KDM7A: variants seen among roughly 807,000 people sequenced by gnomAD.
KDM7A encodes lysine-specific demethylase 7A.
A neutral mutation model predicts 114.8 loss-of-function variants in KDM7A; 28 were observed. That is an observed-to-expected ratio of 0.24 (90% CI 0.18 to 0.33). The LOEUF is 0.33. Ranked by LOEUF, KDM7A falls within the 10% of genes least tolerant of loss-of-function variation. The pLI, the probability that KDM7A is intolerant of heterozygous loss-of-function variation, is 1.00. For missense variants in KDM7A, 942 were observed against 1,142.5 expected (o/e 0.82, Z 2.53); for synonymous variants, 423 against 397.8 (o/e 1.06, Z -0.75).
At chr7:140,146,556 C>T (rs1029818500) in intron 1 of KDM7A, among the ~76,000 whole-genome samples, 5 of 152,342 alleles carry the variant, frequency 3.3e-5, no homozygotes, top group Non-Finnish European at 5.9e-5. Flanking sequence ...CTTCCACTCA[C>T]TTCTCTTGTA....
intron 11 of KDM7A, among the ~76,000 whole-genome samples, chr7:140,108,052 A>C (rs1818368679): frequency 6.6e-6 from 1 of 151,954 alleles, no homozygotes. Flanking sequence ...CCTTTCTTCC[A>C]CTTGATCAAA....
intron 6 of KDM7A, among the ~76,000 whole-genome samples, 155 bp downstream of exon 6, chr7:140,126,482 T>A (rs1818705169): frequency 6.7e-6 from 1 of 149,824 alleles, no homozygotes; most frequent in African/African-American, 2.5e-5. Flanking sequence ...AATCGTAACG[T>A]TTAAAGGCAA....
intron 2 of KDM7A, among the ~76,000 whole-genome samples, 163 bp downstream of exon 2, chr7:140,138,942 C>T (rs1818911371): frequency 6.6e-6 from 1 of 152,102 alleles, no homozygotes; most frequent in Non-Finnish European, 1.5e-5. Flanking sequence ...CTTAATGAAA[C>T]AAAAACTACA....
In KDM7A at chr7:140,127,484, G is replaced by C; in HGVS notation, c.659C>G (p.Pro220Arg). ...YVKYFMNPNR[P>R]KVLNVISLEF... ...AAGGCTGATCACATTTAACACTTTT[G>C]GTCTGTTAGGATTCATGAAGTATTT... is the stretch of plus-strand genomic sequence containing the variant. The change falls in exon 5 of 20, where the codon CCA (proline) becomes CGA (arginine). Residue 220 changes from proline to arginine, a missense_variant. By Grantham distance (103) the Pro-to-Arg change is moderately radical. This residue lies in a region of KDM7A where 318 missense variants were observed against 453.1 expected (regional missense o/e 0.70). Coordinates refer to ENST00000397560, the MANE Select transcript of KDM7A (RefSeq NM_030647.2). 1.9e-6 allele frequency: 3 copies of C among 1,613,376 alleles called. No individual in the cohort carries two copies. The highest frequency in any genetic ancestry group is 1.7e-6 in the Non-Finnish European group (2 of 1,179,520).
chr7:140,126,853 C>G (rs373615645), intron 5 of KDM7A, 30 bp from the exon 6 acceptor site: 1 of 1,481,430 alleles, frequency 6.8e-7, no homozygotes, highest in South Asian at 1.2e-5. Flanking sequence ...CACACACACC[C>G]ACATCATGCA....
Position 140,097,548 on chromosome 7 carries a change from T to G in KDM7A, c.2013A>C (p.Ala671=). The G allele has an allele frequency of 6.5e-7, 1 of 1,548,716 alleles. No individual in the cohort carries two copies. Among genetic ancestry groups the G allele is most frequent in the African/African-American group, 1.4e-5 (1 of 73,730 alleles). The change falls in exon 15 of 20, where the codon GCA becomes GCC. Residue 671 remains alanine, a synonymous_variant. Coordinates refer to ENST00000397560, the MANE Select transcript of KDM7A (RefSeq NM_030647.2). ...ESEDSGPECT[A]LKSIFTTEES... ...AGCCATGGGGTCTCAGGCGTACCAG[T>G]GCAGTGCACTCGGGTCCGGAGTCTT...
intron 2 of KDM7A, 129 bp from the exon 3 acceptor site, chr7:140,133,785 G>C (rs1280077781): frequency 2.0e-6 from 1 of 503,562 alleles, no homozygotes; most frequent in Non-Finnish European, 3.5e-6. Flanking sequence ...AGTTTTTAAT[G>C]CATTTCCAGG....
At chr7:140,149,397 G>A (rs1433422914) in intron 1 of KDM7A, among the ~76,000 whole-genome samples, 4 of 152,172 alleles carry the variant, frequency 2.6e-5, no homozygotes, top group Non-Finnish European at 5.9e-5. Context: ...TGCAAATGGT[G>A]AATGCATCCT....
intron 1 of KDM7A, among the ~76,000 whole-genome samples, chr7:140,155,762 A>C (rs1184899153): frequency 6.6e-6 from 1 of 152,228 alleles, no homozygotes; most frequent in Admixed American, 6.5e-5. Flanking sequence ...CATGGCACAG[A>C]AGATAACTAA....
At chr7:140,094,160 A>G (rs751177459) in intron 17 of KDM7A, 22 bp from the exon 18 acceptor site, 157 of 1,397,860 alleles carry the variant, frequency 1.1e-4, no homozygotes, top group Non-Finnish European at 1.5e-4. Context: ...TTTTAGTTTA[A>G]TTAACTTTGC....
At chr7:140,153,007 G>A (rs1057008386) in intron 1 of KDM7A, among the ~76,000 whole-genome samples, 2 of 151,806 alleles carry the variant, frequency 1.3e-5, no homozygotes, top group East Asian at 2.0e-4. Flanking sequence ...ATACAGGCAC[G>A]CGCCACCACA....
intron 1 of KDM7A, among the ~76,000 whole-genome samples, chr7:140,173,634 C>T (rs956178917): frequency 7.2e-5 from 11 of 151,924 alleles, no homozygotes; most frequent in African/African-American, 2.4e-4. Context: ...CCTACTCCTC[C>T]TTGCTCCTCT....
chr7:140,148,394 GTTTTGTT>G (rs1465032430), intron 1 of KDM7A, among the ~76,000 whole-genome samples: 10 of 140,094 alleles, frequency 7.1e-5, no homozygotes, highest in Non-Finnish European at 1.6e-5. Context: ...GTTTTGTTTT[GTTTTGTT>G]TTTTGTTTTT....
chr7:140,100,671 T>TATATAC (rs1818188468), intron 12 of KDM7A, among the ~76,000 whole-genome samples: 1 of 40,300 alleles, frequency 2.5e-5, no homozygotes, highest in Non-Finnish European at 4.7e-5. Flanking sequence ...TATATATATA[T>TATATAC]ATATATATAC....
chr7:140,162,666 G>T (rs1264289671), intron 1 of KDM7A, among the ~76,000 whole-genome samples: 1 of 152,118 alleles, frequency 6.6e-6, no homozygotes, highest in East Asian at 1.9e-4. Context: ...AACAGAACAT[G>T]AATTTTAAAC....
At position 140,139,156 on chromosome 7, in the gene KDM7A, T is replaced by C. The variant is rs765426103; in HGVS notation, c.229A>G (p.Ile77Val). The change falls in exon 2 of 20, where the codon ATT becomes GTT. Residue 77 changes from isoleucine to valine, a missense_variant. Coordinates refer to ENST00000397560, the MANE Select transcript of KDM7A (RefSeq NM_030647.2). ...VGVEEHHAVD[I>V]DLYHCPNCAV... Reference sequence around the variant, plus strand: ...CAGTTGGGACAGTGATACAGGTCAATGTCAACAGCATGATGTTCTTCTACT... The same window carrying C: ...CAGTTGGGACAGTGATACAGGTCAACGTCAACAGCATGATGTTCTTCTACT... 3.7e-6 allele frequency: 6 copies of C among 1,613,618 alleles called. No individual in the cohort carries two copies. Among genetic ancestry groups the C allele is most frequent in the East Asian group, 2.2e-5 (1 of 44,818 alleles).
intron 1 of KDM7A, among the ~76,000 whole-genome samples, chr7:140,162,981 T>A (rs1794536625): frequency 6.6e-6 from 1 of 151,672 alleles, no homozygotes; most frequent in South Asian, 2.1e-4. Flanking sequence ...AAAGTAAGAT[T>A]TTTGCTTTTC....
At chr7:140,130,363 T>C (rs987605590) in intron 3 of KDM7A, among the ~76,000 whole-genome samples, 13 of 151,988 alleles carry the variant, frequency 8.6e-5, no homozygotes, top group Admixed American at 4.6e-4. Context: ...CTCATGTCTG[T>C]AATTTCCAGC....
rs1817979464 is a variant in KDM7A, at chr7:140,089,116, G to GA, written c.*1977dup. The GA allele has an allele frequency of 6.6e-6, 1 of 152,062 alleles. No homozygotes were observed. Among genetic ancestry groups the GA allele is most frequent in the African/African-American group, 2.4e-5 (1 of 41,404 alleles). The allele number at this position is 152,062 out of a possible 1,614,324, so 9.4% of individuals were successfully genotyped here. On this transcript the variant is annotated 3_prime_UTR_variant, in exon 20 of 20. Transcript: ENST00000397560. The stretch of plus-strand genomic sequence containing the variant: ...GAATATACTGTGTGGGAAGGTAGGG[G>GA]AATCAGTCAAACCCAGATTTTTGAC...
Sources: allele counts gnomAD v4.1 joint callset (sites outside exome capture counted in the v4.1 genomes callset), GRCh38; gene constraint gnomAD v4.1.1; regional missense constraint gnomAD v4.1.1; transcripts MANE v1.5; gene names NCBI Gene and HGNC (gene_info 2026-07-23, HGNC 2026-07-21).